KSR2: variants seen among roughly 807,000 people sequenced by gnomAD.
KSR2 encodes kinase suppressor of ras 2.
In KSR2, 25 loss-of-function variants were observed where a neutral mutation model predicts 107.8. The observed-to-expected ratio is 0.23, with a 90% CI of 0.17 to 0.32. The LOEUF (loss-of-function observed/expected upper bound fraction) is 0.32, where lower values mean the gene tolerates loss of function less well. KSR2 is among the 10% of genes least tolerant of loss of function. The pLI is 1.00. For missense variants in KSR2, 887 were observed against 1,268.9 expected (o/e 0.70, Z 4.57); for synonymous variants, 480 against 507.0 (o/e 0.95, Z 0.71).
Position 117,855,471 on chromosome 12 carries a change from G to A in KSR2, c.429C>T (p.Arg143=). Residue 143 remains arginine, a synonymous_variant, in exon 3 of 20, where the codon CGC becomes CGT. Transcript: ENST00000339824. Reference sequence around the variant, plus strand: ...TGAGGCAGGAGAGGGAGGCGTTGAGGCGGGCACACTCCTCCCGGTTGGCTC... The same window carrying A: ...TGAGGCAGGAGAGGGAGGCGTTGAGACGGGCACACTCCTCCCGGTTGGCTC... ...KYGANREECA[R]LNASLSCLRN... is the part of the protein sequence containing the mutation. 1.2e-6 allele frequency: 2 copies of A among 1,614,036 alleles called. No individual in the cohort carries two copies. The highest frequency in any genetic ancestry group is 1.7e-5 in the Admixed American group (1 of 60,028).
At chr12:117,879,842 T>C (rs930052101) in intron 1 of KSR2, among the ~76,000 whole-genome samples, 2 of 152,262 alleles carry the variant, frequency 1.3e-5, no homozygotes, top group African/African-American at 4.8e-5. Context: ...TATACCTGAT[T>C]GCTGGATTTT....
intron 14 of KSR2, among the ~76,000 whole-genome samples, chr12:117,487,403 T>C (rs1093309): frequency 0.47 from 70,716 of 151,922 alleles, 16,971 homozygotes; most frequent in East Asian, 0.69. Context: ...TTCACATGTC[T>C]GAGGAGGTCA....
chr12:117,488,106 G>C (rs142244866), intron 14 of KSR2, among the ~76,000 whole-genome samples: 2 of 152,060 alleles, frequency 1.3e-5, no homozygotes, highest in African/African-American at 4.8e-5. Context: ...CTGCACAAGC[G>C]CTCTTGCTTG....
chr12:117,759,152 C>G (rs1450153808), intron 4 of KSR2, among the ~76,000 whole-genome samples: 1 of 152,220 alleles, frequency 6.6e-6, no homozygotes, highest in Non-Finnish European at 1.5e-5. Context: ...ATCACATGTT[C>G]CACGTCAATC....
intron 3 of KSR2, among the ~76,000 whole-genome samples, chr12:117,846,723 C>T (rs79462084): frequency 0.012 from 1,783 of 152,354 alleles, 35 homozygotes; most frequent in African/African-American, 0.041. Context: ...CAGCTGCTAG[C>T]CACCTGTGGC....
intron 3 of KSR2, among the ~76,000 whole-genome samples, chr12:117,852,071 G>C (rs1216979413): frequency 1.4e-5 from 2 of 144,566 alleles, no homozygotes; most frequent in Admixed American, 6.7e-5. Context: ...CTATGTGTGT[G>C]GGGGGGGTCA....
intron 3 of KSR2, among the ~76,000 whole-genome samples, chr12:117,850,808 C>CAAAA (rs11308554): frequency 7.1e-6 from 1 of 140,114 alleles, no homozygotes; most frequent in African/African-American, 2.6e-5. Context: ...GACCCCATCT[C>CAAAA]AAAAAAAAAA....
chr12:117,575,096 A>G (rs558266203), intron 7 of KSR2, among the ~76,000 whole-genome samples: 1 of 152,078 alleles, frequency 6.6e-6, no homozygotes, highest in Non-Finnish European at 1.5e-5. Context: ...CCACCTTCTT[A>G]GCATTTTGCA....
rs1238116618 is a variant in KSR2 at position 117,897,335 on chromosome 12, T to C, written c.181-36904A>G. ...CACACCATGCTGAAAGGTGAGAAGG[T>C]TGCTTTCCCTGACCCAGCAAGTCTG... On this transcript the variant is annotated intron_variant, in intron 1 of 19. Coordinates refer to ENST00000339824, the MANE Select transcript of KSR2 (RefSeq NM_173598.6). The surrounding 1 kb of genome is among the most constrained non-coding windows in gnomAD (Gnocchi z 4.5). Among the ~76,000 whole-genome samples, 1 of 152,116 alleles carries C rather than the reference T, an allele frequency of 6.6e-6. No homozygotes were observed. The highest frequency in any genetic ancestry group is 1.5e-5 in the Non-Finnish European group (1 of 68,020).
At chr12:117,717,433 C>T (rs190375493) in intron 4 of KSR2, among the ~76,000 whole-genome samples, 27 of 152,182 alleles carry the variant, frequency 1.8e-4, no homozygotes, top group Non-Finnish European at 2.8e-4. Flanking sequence ...GTGGGAAGAT[C>T]GCTTGAGCCC....
intron 1 of KSR2, among the ~76,000 whole-genome samples, chr12:117,941,189 C>G (rs1207759273): frequency 1.3e-5 from 2 of 152,048 alleles, no homozygotes; most frequent in Non-Finnish European, 2.9e-5. Context: ...CAACACCTGA[C>G]ATCTCTAAAT....
intron 5 of KSR2, among the ~76,000 whole-genome samples, chr12:117,664,919 C>A (rs557346721): frequency 9.2e-5 from 14 of 152,252 alleles, no homozygotes; most frequent in Admixed American, 8.5e-4. Context: ...ACAAAGGCAA[C>A]CGGCGGCAAC....
intron 5 of KSR2, among the ~76,000 whole-genome samples, chr12:117,595,208 G>A (rs566284513): frequency 2.6e-5 from 4 of 152,164 alleles, no homozygotes; most frequent in African/African-American, 9.6e-5. Context: ...CAGTGACAGG[G>A]CCTTTTCACT....
intron 3 of KSR2, among the ~76,000 whole-genome samples, chr12:117,782,971 AAAGT>A (rs1198608350): frequency 6.6e-6 from 1 of 152,232 alleles, no homozygotes; most frequent in East Asian, 1.9e-4. Context: ...AAGAAACAAC[AAAGT>A]AAGATCCATG....
At chr12:117,908,440 C>T (rs1276448559) in intron 1 of KSR2, among the ~76,000 whole-genome samples, 1 of 152,150 alleles carries the variant, frequency 6.6e-6, no homozygotes, top group African/African-American at 2.4e-5. Flanking sequence ...TCCTAAACAA[C>T]CAGCCACAGG....
At chr12:117,759,801 T>C (rs1888929076) in intron 4 of KSR2, among the ~76,000 whole-genome samples, 1 of 152,232 alleles carries the variant, frequency 6.6e-6, no homozygotes, top group African/African-American at 2.4e-5. Flanking sequence ...ACTCATGTTG[T>C]AGCATATATC....
At chr12:117,505,101 G>A (rs138823552) in intron 14 of KSR2, among the ~76,000 whole-genome samples, 50 of 152,252 alleles carry the variant, frequency 3.3e-4, no homozygotes, top group Admixed American at 9.8e-4. Context: ...TTTTATGGAC[G>A]AGTAGTATTC....
At chr12:117,474,674 C>T (rs536091547) in intron 17 of KSR2, among the ~76,000 whole-genome samples, 6 of 152,294 alleles carry the variant, frequency 3.9e-5, no homozygotes, top group South Asian at 4.1e-4. Context: ...TGCATCCTGG[C>T]GCTGTGTCCT....
intron 4 of KSR2, among the ~76,000 whole-genome samples, chr12:117,703,277 A>G (rs145398246): frequency 2.0e-4 from 31 of 152,290 alleles, no homozygotes; most frequent in African/African-American, 7.2e-4. Flanking sequence ...CCACTCAACA[A>G]ATACTGAAGG....
Sources: gnomAD v4.1 joint callset for allele counts (sites outside exome capture counted in the v4.1 genomes callset) on GRCh38, gnomAD v4.1.1 for gene constraint, Gnocchi (gnomAD v3.1) non-coding constraint, MANE v1.5 for transcripts, NCBI Gene and HGNC (gene_info 2026-07-23, HGNC 2026-07-21) for gene names.